Variants in TBPL1 observed in about 807,000 individuals in gnomAD.
TBPL1 encodes the protein TATA-box binding protein like 1.
Under a neutral mutation model 22.1 loss-of-function variants are expected in TBPL1, and 4 were observed. That is an observed-to-expected ratio of 0.18 (90% CI 0.09 to 0.41). The LOEUF (loss-of-function observed/expected upper bound fraction) is 0.41. Among genes scored for constraint, TBPL1 ranks in the 10% least tolerant of loss-of-function variants. The pLI, the probability that TBPL1 is intolerant of heterozygous loss-of-function variation, is 1.00. For missense variants in TBPL1, 115 were observed against 222.3 expected, an observed-to-expected ratio of 0.52 and a Z score of 3.07; for synonymous variants, 64 against 71.0, an observed-to-expected ratio of 0.90 and a Z score of 0.50.
chr6:133,961,249 A>C (rs998788974), intron 1 of TBPL1, among the ~76,000 whole-genome samples: 2 of 152,162 alleles, frequency 1.3e-5, no homozygotes, highest in African/African-American at 4.8e-5. Context: ...TATTGAGTTT[A>C]GGACCAAATG....
At chr6:133,985,917 T>G (rs1460598841) in intron 6 of TBPL1, 1 of 152,174 alleles carries the variant, frequency 6.6e-6, no homozygotes, top group Non-Finnish European at 1.5e-5. Context: ...CATGGATGTC[T>G]GAGAAGCCAC....
At chr6:133,981,724 T>G (rs1331537782) in intron 2 of TBPL1, among the ~76,000 whole-genome samples, 1 of 152,250 alleles carries the variant, frequency 6.6e-6, no homozygotes, top group Non-Finnish European at 1.5e-5. Flanking sequence ...ACAAAAATTT[T>G]AAGCAGAAAC....
At chr6:133,956,005 T>C (rs2114314780) in intron 1 of TBPL1, among the ~76,000 whole-genome samples, 1 of 152,326 alleles carries the variant, frequency 6.6e-6, no homozygotes, top group East Asian at 1.9e-4. Context: ...GAGTTATTTC[T>C]TCTCATGGAC....
At position 133,986,959 on chromosome 6, in the gene TBPL1, A is replaced by G. The variant is rs1185513937; in HGVS notation, c.482-2A>G. 6.2e-7 allele frequency: 1 copy of G among 1,602,042 alleles called. No homozygotes were observed. ...CTCCTTCCTCCATTGTGTTTATTAC[A>G]GGGCCCAATGTAAAGGCTGTTGCTA... On this transcript the variant is annotated splice_acceptor_variant, in intron 6 of 6. Coordinates refer to ENST00000237264, the MANE Select transcript of TBPL1 (RefSeq NM_004865.4). LOFTEE classifies it high-confidence loss of function.
intron 6 of TBPL1, among the ~76,000 whole-genome samples, chr6:133,986,277 A>G (rs959119944): frequency 2.6e-5 from 4 of 152,168 alleles, no homozygotes; most frequent in Non-Finnish European, 5.9e-5. Context: ...TTTTTATTCA[A>G]AATTTTATGA....
intron 1 of TBPL1, among the ~76,000 whole-genome samples, chr6:133,956,340 G>A (rs780253068): frequency 3.3e-5 from 5 of 152,214 alleles, no homozygotes; most frequent in African/African-American, 4.8e-5. Context: ...GTCTGGTGCC[G>A]TGTCAGGTGT....
At chr6:133,974,694 T>C (rs1776283261) in intron 1 of TBPL1, among the ~76,000 whole-genome samples, 2 of 152,244 alleles carry the variant, frequency 1.3e-5, no homozygotes, top group Admixed American at 1.3e-4. Flanking sequence ...TTAAATTATC[T>C]GAATACACAC....
At chr6:133,953,941 TTTA>T (rs1221164630) in intron 1 of TBPL1, among the ~76,000 whole-genome samples, 2 of 152,150 alleles carry the variant, frequency 1.3e-5, no homozygotes, top group East Asian at 1.9e-4. Flanking sequence ...CTCGCTTTAT[TTTA>T]TTATTATTTT....
At chr6:133,976,925 G>T (rs545456934) in intron 1 of TBPL1, among the ~76,000 whole-genome samples, 5 of 148,706 alleles carry the variant, frequency 3.4e-5, no homozygotes, top group Non-Finnish European at 5.9e-5. Flanking sequence ...CCAAGATCGC[G>T]TCACAGCCCT....
chr6:133,986,363 C>T (rs1038825028), intron 6 of TBPL1, among the ~76,000 whole-genome samples: 1 of 152,242 alleles, frequency 6.6e-6, no homozygotes, highest in East Asian at 1.9e-4. Flanking sequence ...TAAAGTTGTT[C>T]AAGAATTAGC....
At position 133,964,269 on chromosome 6, in the gene TBPL1, T is replaced by G. The variant is rs1450945104; in HGVS notation, c.-45+10844T>G. Among the ~76,000 whole-genome samples, 3 of 152,150 alleles carry G rather than the reference T, an allele frequency of 2.0e-5. No individual in the cohort carries two copies. In the East Asian group the frequency reaches 5.8e-4, roughly 29 times the overall value. On this transcript the variant is annotated intron_variant, in intron 1 of 6. Transcript: ENST00000237264. ...TTATCCTTTTTGAGTGACGCACCCT[T>G]CAACCAGTTACTCAGATCTGACAAG... is the stretch of plus-strand genomic sequence containing the variant.
At chr6:133,977,795 A>G (rs1268105959) in intron 1 of TBPL1, among the ~76,000 whole-genome samples, 3 of 152,150 alleles carry the variant, frequency 2.0e-5, no homozygotes, top group African/African-American at 7.2e-5. Context: ...GGCTGCTTCT[A>G]TCTTGTTGTT....
chr6:133,985,957 T>C (rs1776514055), intron 6 of TBPL1: 1 of 152,200 alleles, frequency 6.6e-6, no homozygotes, highest in Non-Finnish European at 1.5e-5. Context: ...CTACTAAGTA[T>C]ATAATAAAAC....
chr6:133,977,415 TCTTTACCC>T (rs1479785688), intron 1 of TBPL1, among the ~76,000 whole-genome samples: 2 of 152,192 alleles, frequency 1.3e-5, no homozygotes, highest in Non-Finnish European at 2.9e-5. Context: ...ACACAGATTT[TCTTTACCC>T]CTTTTTTTCT....
intron 1 of TBPL1, among the ~76,000 whole-genome samples, chr6:133,961,628 C>T (rs868545932): frequency 6.6e-6 from 1 of 151,844 alleles, no homozygotes; most frequent in Admixed American, 6.6e-5. Context: ...TCACCATGCC[C>T]GACTAGTTTT....
intron 1 of TBPL1, among the ~76,000 whole-genome samples, chr6:133,961,297 A>G (rs910964150): frequency 2.0e-5 from 3 of 152,126 alleles, no homozygotes; most frequent in Admixed American, 6.6e-5. Flanking sequence ...ACACATTTAA[A>G]TTAAACAGTT....
In TBPL1 at chr6:133,989,846, G is replaced by A. The variant is rs1437886863; in HGVS notation, c.*2806G>A. On this transcript the variant is annotated 3_prime_UTR_variant, in exon 7 of 7. Transcript: ENST00000237264. ...AAATAAAAAGGAGCTTTGGCTCTTA[G>A]GATTCTCTTTTCTTCAGGTTAATCA... 6.6e-6 allele frequency: 1 copy of A among 152,136 alleles called. No individual in the cohort carries two copies. Among genetic ancestry groups the A allele is most frequent in the Non-Finnish European group, 1.5e-5 (1 of 68,012 alleles). The allele number at this position is 152,136 out of a possible 1,614,324, so 9.4% of individuals were successfully genotyped here.
Position 133,982,659 on chromosome 6 carries a change from T to A in TBPL1, c.218+9T>A, listed in dbSNP as rs759135982. The A allele has an allele frequency of 1.2e-6, 2 of 1,607,700 alleles. No homozygotes were observed. Among genetic ancestry groups the A allele is most frequent in the Non-Finnish European group, 1.7e-6 (2 of 1,177,968 alleles). ...TGCACTGGAGCAACAAGGTAAATGC[T>A]ACTTGGGTTTTTTGTTTTTATTTTT... On this transcript the variant is annotated intron_variant, in intron 3 of 6. Transcript: ENST00000237264.
intron 6 of TBPL1, among the ~76,000 whole-genome samples, chr6:133,985,293 AAAAAATATATATATATAT>A (rs1562668505): frequency 3.0e-5 from 2 of 67,136 alleles, no homozygotes; most frequent in African/African-American, 1.3e-4. Flanking sequence ...AAAAAAAAAA[AAAAAATATATATATATAT>A]ATATATATAT....
Sources: allele counts gnomAD v4.1 joint callset (sites outside exome capture counted in the v4.1 genomes callset), GRCh38; gene constraint gnomAD v4.1.1; transcripts MANE v1.5; gene names NCBI Gene and HGNC (gene_info 2026-07-23, HGNC 2026-07-21).